CADM2: variants seen among roughly 807,000 people sequenced by gnomAD.
The protein encoded by CADM2 is immunoglobulin superfamily member 4D.
Under a neutral mutation model 49.8 loss-of-function variants are expected in CADM2, and 12 were observed. The observed-to-expected ratio is 0.24, with a 90% CI of 0.15 to 0.39. The LOEUF is 0.39. Ranked by LOEUF, CADM2 falls within the 10% of genes least tolerant of loss-of-function variation. CADM2 has a pLI of 1.00. For synonymous variants in CADM2, 214 were observed against 175.4 expected, an observed-to-expected ratio of 1.22 and a Z score of -1.74; for missense variants, 378 against 492.3, an observed-to-expected ratio of 0.77 and a Z score of 2.20.
In CADM2 at chr3:85,989,347, A is replaced by G. The variant is rs534769761; in HGVS notation, c.970+27700A>G. On this transcript the variant is annotated intron_variant, in intron 8 of 9. Transcript: ENST00000383699. ...TCCTAAGCAAAGAAAAACTGGAGCCATTTTTGGGTACCACTTAAAAGGAGC... is the reference window on the plus strand; with the variant it reads ...TCCTAAGCAAAGAAAAACTGGAGCCGTTTTTGGGTACCACTTAAAAGGAGC... 3.1e-4 allele frequency among the ~76,000 whole-genome samples: 47 copies of G among 152,302 alleles called. No homozygotes were observed. In the South Asian group the frequency reaches 7.3e-3, roughly 24 times the overall value.
intron 1 of CADM2, among the ~76,000 whole-genome samples, chr3:85,134,812 AGAG>A (rs1222963210): frequency 9.9e-5 from 15 of 152,058 alleles, no homozygotes; most frequent in African/African-American, 3.6e-4. Context: ...TTAATTATTG[AGAG>A]ATTTTATTTA....
At chr3:86,004,814 C>T (rs960488541) in intron 8 of CADM2, among the ~76,000 whole-genome samples, 12 of 152,176 alleles carry the variant, frequency 7.9e-5, no homozygotes, top group African/African-American at 2.7e-4. Flanking sequence ...CTTGTGACCA[C>T]CTTTGGACTG....
intron 7 of CADM2, among the ~76,000 whole-genome samples, chr3:85,952,561 T>A (rs548749779): frequency 4.3e-4 from 65 of 151,004 alleles, no homozygotes; most frequent in Non-Finnish European, 8.3e-4. Context: ...CGGCTTTATT[T>A]CAATCTCTTT....
At chr3:85,271,799 A>G (rs2043249541) in intron 1 of CADM2, among the ~76,000 whole-genome samples, 1 of 151,188 alleles carries the variant, frequency 6.6e-6, no homozygotes, top group Non-Finnish European at 1.5e-5. Flanking sequence ...ATAAAATTAA[A>G]CTGTCAAAAA....
At chr3:85,420,239 A>G (rs2036106472) in intron 1 of CADM2, among the ~76,000 whole-genome samples, 1 of 152,168 alleles carries the variant, frequency 6.6e-6, no homozygotes, top group Non-Finnish European at 1.5e-5. Flanking sequence ...TGCTGCACTA[A>G]AATTACAAGT....
chr3:85,680,284 T>C (rs2066003158), intron 1 of CADM2, among the ~76,000 whole-genome samples: 1 of 152,116 alleles, frequency 6.6e-6, no homozygotes, highest in African/African-American at 2.4e-5. Context: ...TAATTAAAGG[T>C]TAAAAGAATC....
Position 85,344,952 on chromosome 3 carries a change from C to T in CADM2, c.62-381570C>T, listed in dbSNP as rs544263305. Among the ~76,000 whole-genome samples the T allele has an allele frequency of 4.7e-4, 71 of 152,254 alleles. 3 individuals carry two copies. The South Asian group carries it at 0.013, about 29-fold the overall frequency. The stretch of plus-strand genomic sequence containing the variant: ...AAGTTCACCTCTTCAGGAACACTCT[C>T]TTCCCATTTTAGCAATCTAACACTA... On this transcript the variant is annotated intron_variant, in intron 1 of 9. Transcript: ENST00000383699.
At chr3:85,573,246 G>A (rs988793669) in intron 1 of CADM2, among the ~76,000 whole-genome samples, 4 of 151,502 alleles carry the variant, frequency 2.6e-5, no homozygotes, top group African/African-American at 9.7e-5. Context: ...AGGCTGGAGT[G>A]CAGTGGTGTG....
chr3:85,668,334 A>G (rs915472584), intron 1 of CADM2, among the ~76,000 whole-genome samples: 7 of 151,644 alleles, frequency 4.6e-5, no homozygotes, highest in African/African-American at 1.7e-4. Context: ...ACAAACACAA[A>G]CAAACAAAAA....
intron 3 of CADM2, among the ~76,000 whole-genome samples, chr3:85,842,049 A>C (rs185759974): frequency 3.4e-4 from 52 of 152,252 alleles, no homozygotes; most frequent in African/African-American, 1.2e-3. Context: ...ACATTTAAAA[A>C]AATTATTTGC....
At chr3:85,044,614 C>T (rs2035575476) in intron 1 of CADM2, among the ~76,000 whole-genome samples, 2 of 152,036 alleles carry the variant, frequency 1.3e-5, no homozygotes, top group African/African-American at 4.8e-5. Flanking sequence ...CTTTTCTGGG[C>T]TAAGATATTG....
At chr3:85,231,673 A>C (rs1204249326) in intron 1 of CADM2, among the ~76,000 whole-genome samples, 1 of 150,940 alleles carries the variant, frequency 6.6e-6, no homozygotes, top group Admixed American at 6.6e-5. Context: ...AAAACAAATA[A>C]GTGGGGTAGG....
At chr3:85,779,101 A>G (rs77346610) in intron 2 of CADM2, among the ~76,000 whole-genome samples, 8,118 of 152,214 alleles carry the variant, frequency 0.053, 376 homozygotes, top group East Asian at 0.19. Flanking sequence ...ACTTTACAGT[A>G]TAATACTTAA....
chr3:85,727,493 T>C (rs1233039672), intron 2 of CADM2, among the ~76,000 whole-genome samples: 1 of 152,182 alleles, frequency 6.6e-6, no homozygotes, highest in African/African-American at 2.4e-5. Flanking sequence ...CCTTGTTTCC[T>C]GTTCCAGTAA....
chr3:85,843,551 T>C (rs977683781), intron 3 of CADM2, among the ~76,000 whole-genome samples: 1 of 152,160 alleles, frequency 6.6e-6, no homozygotes, highest in African/African-American at 2.4e-5. Context: ...CTCAAATAAA[T>C]ATTTATATGA....
intron 2 of CADM2, among the ~76,000 whole-genome samples, chr3:85,740,689 A>G (rs1172533813): frequency 6.6e-6 from 1 of 152,174 alleles, no homozygotes; most frequent in East Asian, 1.9e-4. Context: ...TTGATATTTA[A>G]GAGTTTCAAG....
Position 85,886,347 on chromosome 3 carries a change from A to C in CADM2, c.529+20A>C. On this transcript the variant is annotated intron_variant, in intron 5 of 9. Coordinates refer to ENST00000383699, the MANE Select transcript of CADM2 (RefSeq NM_001167675.2). ...TTAAAGGTAAAGAATAGAAAAATGA[A>C]AATCAAAATTAATGTGCTGAAACCA... 1.3e-6 allele frequency: 2 copies of C among 1,576,846 alleles called. No homozygotes were observed. Among genetic ancestry groups the C allele is most frequent in the Non-Finnish European group, 8.7e-7 (1 of 1,147,708 alleles).
intron 1 of CADM2, among the ~76,000 whole-genome samples, chr3:85,654,843 C>A (rs775272422): frequency 6.6e-6 from 1 of 152,150 alleles, no homozygotes; most frequent in African/African-American, 2.4e-5. Context: ...GTATTCTCTA[C>A]ATCATTGACC....
intron 1 of CADM2, among the ~76,000 whole-genome samples, chr3:85,182,098 T>G (rs1234339012): frequency 2.0e-5 from 3 of 151,850 alleles, no homozygotes; most frequent in Non-Finnish European, 4.4e-5. Context: ...GAATGCAAAA[T>G]TAGTGGCAAA....
Sources: allele counts gnomAD v4.1 joint callset (sites outside exome capture counted in the v4.1 genomes callset), GRCh38; gene constraint gnomAD v4.1.1; transcripts MANE v1.5; gene names NCBI Gene and HGNC (gene_info 2026-07-23, HGNC 2026-07-21).